The following NRG3 variants were observed in gnomAD, a reference collection of about 807,000 sequenced individuals.
The protein encoded by NRG3 is neuregulin 3, also known as pro-neuregulin-3, membrane-bound isoform.
A neutral mutation model predicts 66.9 loss-of-function variants in NRG3; 31 were observed. The observed-to-expected ratio is 0.46, with a 90% CI of 0.35 to 0.63. The LOEUF is 0.63. Ranked by LOEUF, NRG3 falls within the 20% of genes least tolerant of loss-of-function variation. The pLI is 0.00. For synonymous variants in NRG3, 393 were observed against 359.4 expected (o/e 1.09, Z -1.06); for missense variants, 910 against 878.9 (o/e 1.04, Z -0.45).
intron 1 of NRG3, among the ~76,000 whole-genome samples, chr10:82,270,432 G>A (rs1017415461): frequency 2.0e-5 from 3 of 152,068 alleles, no homozygotes; most frequent in African/African-American, 7.2e-5. Flanking sequence ...GACTTTCCTT[G>A]TACTGAGGGC....
At chr10:82,187,564 A>G (rs1768081462) in intron 1 of NRG3, among the ~76,000 whole-genome samples, 1 of 152,176 alleles carries the variant, frequency 6.6e-6, no homozygotes, top group African/African-American at 2.4e-5. Context: ...GATAAAACCC[A>G]GGATTCGTCA....
chr10:82,651,552 A>G (rs1356749104), intron 2 of NRG3, among the ~76,000 whole-genome samples: 1 of 152,208 alleles, frequency 6.6e-6, no homozygotes, highest in East Asian at 1.9e-4. Flanking sequence ...ATGACAAGGA[A>G]CTGAGGACTC....
chr10:82,984,684 CG>C, intron 8 of NRG3: 1 of 1,247,868 alleles, frequency 8.0e-7, no homozygotes, highest in East Asian at 2.6e-5. Flanking sequence ...AGAGGGTGGT[CG>C]AGTTGATGGA....
At chr10:81,948,979 T>C (rs1240311303) in intron 1 of NRG3, among the ~76,000 whole-genome samples, 1 of 152,186 alleles carries the variant, frequency 6.6e-6, no homozygotes, top group Non-Finnish European at 1.5e-5. Flanking sequence ...GTGGAGCTTC[T>C]AGTTGTCCTC....
chr10:81,961,985 T>G (rs1384039815), intron 1 of NRG3, among the ~76,000 whole-genome samples: 1 of 152,188 alleles, frequency 6.6e-6, no homozygotes, highest in Non-Finnish European at 1.5e-5. Flanking sequence ...GGAACTATGT[T>G]AGGAATACAA....
At position 82,385,815 on chromosome 10, in the gene NRG3, A is replaced by T. The variant is rs533866544; in HGVS notation, c.953+26947A>T. 1.5e-3 allele frequency among the ~76,000 whole-genome samples: 222 copies of T among 152,232 alleles called. No individual in the cohort carries two copies. The Middle Eastern group carries it at 0.027, about 19-fold the overall frequency. On this transcript the variant is annotated intron_variant, in intron 2 of 8. Coordinates refer to ENST00000372141, the MANE Select transcript of NRG3 (RefSeq NM_001010848.4). ...CTGCTGAAAATTGTAAAGGGGCAAG[A>T]GGTATAGTGAAAAAGAAAAATAAAG...
intron 2 of NRG3, among the ~76,000 whole-genome samples, chr10:82,527,321 AAAT>A (rs200797804): frequency 0.027 from 3,579 of 133,784 alleles, 142 homozygotes; most frequent in African/African-American, 0.1. Context: ...TTAAAAAAAA[AAAT>A]ATTAGTAAAT....
chr10:82,439,509 T>G (rs2090324570), intron 2 of NRG3, among the ~76,000 whole-genome samples: 1 of 152,072 alleles, frequency 6.6e-6, no homozygotes, highest in South Asian at 2.1e-4. Flanking sequence ...TTAGGATTTT[T>G]TAACTCTTTA....
chr10:82,661,209 C>G (rs112443226), intron 2 of NRG3, among the ~76,000 whole-genome samples: 242 of 152,218 alleles, frequency 1.6e-3, no homozygotes, highest in Non-Finnish European at 2.9e-3. Flanking sequence ...AGCTAGGATA[C>G]AGTAGTTACA....
intron 3 of NRG3, among the ~76,000 whole-genome samples, chr10:82,775,979 C>T (rs1170563211): frequency 6.6e-6 from 1 of 152,078 alleles, no homozygotes; most frequent in Non-Finnish European, 1.5e-5. Context: ...ATTGTCATTG[C>T]AGTAATGGAA....
intron 3 of NRG3, among the ~76,000 whole-genome samples, chr10:82,777,187 A>G (rs2059942784): frequency 6.6e-6 from 1 of 152,166 alleles, no homozygotes; most frequent in African/African-American, 2.4e-5. Context: ...AGCTGTGATC[A>G]ACATTATTGA....
intron 2 of NRG3, among the ~76,000 whole-genome samples, chr10:82,415,651 A>G (rs2136192806): frequency 6.6e-6 from 1 of 152,286 alleles, no homozygotes; most frequent in Admixed American, 6.5e-5. Context: ...TATTTTAAGG[A>G]AAGTGATACT....
intron 1 of NRG3, among the ~76,000 whole-genome samples, chr10:82,230,758 A>T (rs1257872669): frequency 6.6e-6 from 1 of 152,184 alleles, no homozygotes; most frequent in Non-Finnish European, 1.5e-5. Context: ...AATAACATTG[A>T]AATAATTTAT....
At chr10:82,824,479 C>A (rs2062096302) in intron 3 of NRG3, among the ~76,000 whole-genome samples, 1 of 152,086 alleles carries the variant, frequency 6.6e-6, no homozygotes, top group Non-Finnish European at 1.5e-5. Context: ...ATTTTTCATT[C>A]TCACCAGCAA....
rs564667926 is a variant in NRG3 at position 82,931,138 on chromosome 10, C to T, written c.1055-20331C>T. 2.6e-5 allele frequency among the ~76,000 whole-genome samples: 4 copies of T among 152,298 alleles called. No homozygotes were observed. The East Asian group carries it at 7.7e-4, about 29-fold the overall frequency. On this transcript the variant is annotated intron_variant, in intron 4 of 8. Coordinates refer to ENST00000372141, the MANE Select transcript of NRG3 (RefSeq NM_001010848.4). ...CTTTGTTCTGCTCCCTCTTGCAGTA[C>T]CAATACTATCCAATTTTTGTCTATA...
chr10:82,145,370 T>C (rs2070168070), intron 1 of NRG3, among the ~76,000 whole-genome samples: 1 of 152,214 alleles, frequency 6.6e-6, no homozygotes, highest in African/African-American at 2.4e-5. Context: ...AGCATTTAGT[T>C]ATAACATATT....
At chr10:82,272,251 A>G (rs1299976965) in intron 1 of NRG3, among the ~76,000 whole-genome samples, 1 of 152,054 alleles carries the variant, frequency 6.6e-6, no homozygotes, top group African/African-American at 2.4e-5. Context: ...TGAGTCCTCT[A>G]AGCAGCGAGA....
intron 1 of NRG3, among the ~76,000 whole-genome samples, chr10:81,987,197 G>C (rs1367337747): frequency 6.6e-6 from 1 of 151,864 alleles, no homozygotes; most frequent in Non-Finnish European, 1.5e-5. Flanking sequence ...AAGCAATTCT[G>C]CCTCAGCCTC....
At chr10:82,298,886 T>A (rs1490207909) in intron 1 of NRG3, among the ~76,000 whole-genome samples, 1 of 151,894 alleles carries the variant, frequency 6.6e-6, no homozygotes. Context: ...CATACGGAGG[T>A]GTTCATTGGG....
Sources: gnomAD v4.1 joint callset for allele counts (sites outside exome capture counted in the v4.1 genomes callset) on GRCh38, gnomAD v4.1.1 for gene constraint, MANE v1.5 for transcripts, NCBI Gene and HGNC (gene_info 2026-07-23, HGNC 2026-07-21) for gene names.